PELI1: variants seen among roughly 807,000 people sequenced by gnomAD.
PELI1 encodes E3 ubiquitin-protein ligase pellino homolog 1.
A neutral mutation model predicts 41.3 loss-of-function variants in PELI1; 15 were observed. The ratio of observed to expected loss-of-function variants is 0.36; its 90% CI spans 0.24 to 0.56. The LOEUF (loss-of-function observed/expected upper bound fraction) is 0.56. Among genes scored for constraint, PELI1 ranks in the 20% least tolerant of loss-of-function variants. The probability of loss-of-function intolerance (pLI) is 0.82; values close to 1 mark genes in which losing one functional copy is unlikely to be tolerated. For synonymous variants in PELI1, 178 were observed against 180.1 expected, an observed-to-expected ratio of 0.99 and a Z score of 0.09; for missense variants, 403 against 525.5, an observed-to-expected ratio of 0.77 and a Z score of 2.28.
At chr2:64,121,325 C>A (rs141098629) in intron 1 of PELI1, among the ~76,000 whole-genome samples, 318 of 152,248 alleles carry the variant, frequency 2.1e-3, no homozygotes, top group African/African-American at 7.2e-3. Flanking sequence ...ATGTCTTATA[C>A]TTGATTCCAT....
chr2:64,143,510 G>C (rs1681986425), intron 1 of PELI1: 1 of 152,132 alleles, frequency 6.6e-6, no homozygotes, highest in African/African-American at 2.4e-5. Flanking sequence ...AGGGAAACGG[G>C]CGTATTAACT....
chr2:64,143,032 A>C (rs1477428670), intron 1 of PELI1, among the ~76,000 whole-genome samples: 1 of 152,228 alleles, frequency 6.6e-6, no homozygotes, highest in Admixed American at 6.5e-5. Flanking sequence ...TTTGATGACT[A>C]AACGACAGGA....
chr2:64,135,090 G>A (rs1178379439), intron 1 of PELI1, among the ~76,000 whole-genome samples: 1 of 152,088 alleles, frequency 6.6e-6, no homozygotes, highest in Non-Finnish European at 1.5e-5. Flanking sequence ...TATATGGTTA[G>A]TATTACAGTA....
rs1353625759 is a variant in PELI1, at chr2:64,108,530, T to C, written c.-69-151A>G. 2.6e-5 allele frequency among the ~76,000 whole-genome samples: 4 copies of C among 152,230 alleles called. No homozygotes were observed. The East Asian group carries it at 7.7e-4, about 29-fold the overall frequency. ...GGGACATTTTGCCCAATAATGATTA[T>C]ATATTTTACAAAACTGTTTAAAGGA... On this transcript the variant is annotated intron_variant, in intron 1 of 6. Transcript: ENST00000358912.
chr2:64,109,155 A>G (rs1161521605), intron 1 of PELI1, among the ~76,000 whole-genome samples: 1 of 152,152 alleles, frequency 6.6e-6, no homozygotes, highest in Non-Finnish European at 1.5e-5. Context: ...CCACCCAGCA[A>G]TAACAAGAAG....
chr2:64,125,451 C>T (rs112262194), intron 1 of PELI1, among the ~76,000 whole-genome samples: 3 of 152,234 alleles, frequency 2.0e-5, no homozygotes, highest in African/African-American at 7.2e-5. Flanking sequence ...TGTATTACAC[C>T]ACAGCAACAG....
chr2:64,097,453 C>A (rs966840445), intron 4 of PELI1, among the ~76,000 whole-genome samples: 6 of 152,098 alleles, frequency 3.9e-5, no homozygotes, highest in Non-Finnish European at 7.4e-5. Flanking sequence ...TTCAGAGAGA[C>A]AAGGTTCCCA....
intron 1 of PELI1, among the ~76,000 whole-genome samples, chr2:64,126,841 G>A (rs530704709): frequency 2.0e-5 from 3 of 151,930 alleles, no homozygotes; most frequent in Non-Finnish European, 4.4e-5. Context: ...AGAAACAATC[G>A]CATAAAGATA....
intron 1 of PELI1, among the ~76,000 whole-genome samples, chr2:64,125,166 G>A (rs973528869): frequency 6.6e-6 from 1 of 152,100 alleles, no homozygotes; most frequent in Non-Finnish European, 1.5e-5. Flanking sequence ...GCAACTTGAT[G>A]TGTTCACCAA....
At chr2:64,120,564 T>G (rs1558481890) in intron 1 of PELI1, among the ~76,000 whole-genome samples, 1 of 152,236 alleles carries the variant, frequency 6.6e-6, no homozygotes, top group Non-Finnish European at 1.5e-5. Flanking sequence ...AACCCTTTTG[T>G]AAAAAGTTAC....
intron 1 of PELI1, among the ~76,000 whole-genome samples, chr2:64,135,571 G>A (rs1055900298): frequency 2.6e-5 from 4 of 152,170 alleles, no homozygotes; most frequent in Admixed American, 2.0e-4. Flanking sequence ...AGCTGGCAAA[G>A]GATGATAAAG....
intron 1 of PELI1, among the ~76,000 whole-genome samples, chr2:64,109,871 C>T (rs536976838): frequency 2.0e-5 from 3 of 152,220 alleles, no homozygotes; most frequent in East Asian, 1.9e-4. Flanking sequence ...CTTATAGACC[C>T]GTGCGTGAGA....
chr2:64,097,558 AG>A (rs1680285874), intron 4 of PELI1, among the ~76,000 whole-genome samples: 1 of 152,238 alleles, frequency 6.6e-6, no homozygotes, highest in African/African-American at 2.4e-5. Context: ...GAAAGTTGAA[AG>A]AAAAAAGGAA....
intron 3 of PELI1, among the ~76,000 whole-genome samples, chr2:64,103,869 CTCTT>C (rs1465905514): frequency 6.6e-6 from 1 of 152,202 alleles, no homozygotes. Context: ...AGTCAAAGAA[CTCTT>C]TCTAATTTTT....
Position 64,100,439 on chromosome 2 carries a change from C to T in PELI1, c.262G>A (p.Val88Met). Residue 88 changes from valine to methionine, a missense_variant, in exon 4 of 7, where the codon GTG becomes ATG. Coordinates refer to ENST00000358912, the MANE Select transcript of PELI1 (RefSeq NM_020651.4). ...TTGCTGTCATGAGTATATTCAACCA[C>T]CACAGTCTGGGCCCGAGATAAAGTA... ...SYTLSRAQTV[V>M]VEYTHDSNTD... The T allele has an allele frequency of 6.3e-7, 1 of 1,580,484 alleles. No individual in the cohort carries two copies. Among genetic ancestry groups the T allele is most frequent in the Non-Finnish European group, 8.7e-7 (1 of 1,149,552 alleles).
chr2:64,120,989 T>C (rs1199861586), intron 1 of PELI1, among the ~76,000 whole-genome samples: 1 of 152,228 alleles, frequency 6.6e-6, no homozygotes, highest in Non-Finnish European at 1.5e-5. Flanking sequence ...AGTTTACTTC[T>C]GTTGCTTCCC....
intron 1 of PELI1, among the ~76,000 whole-genome samples, chr2:64,116,476 G>A (rs1680996428): frequency 6.6e-6 from 1 of 152,184 alleles, no homozygotes; most frequent in African/African-American, 2.4e-5. Flanking sequence ...ATATTCATGG[G>A]AAATCCTATC....
chr2:64,139,293 C>A (rs1048712134), intron 1 of PELI1, among the ~76,000 whole-genome samples: 27 of 152,016 alleles, frequency 1.8e-4, no homozygotes, highest in Admixed American at 1.3e-4. Context: ...GGTCATTTTT[C>A]TTTTATTTAT....
At chr2:64,139,746 T>G (rs1427599581) in intron 1 of PELI1, among the ~76,000 whole-genome samples, 2 of 152,170 alleles carry the variant, frequency 1.3e-5, no homozygotes, top group Non-Finnish European at 2.9e-5. Context: ...CTGAATGTAT[T>G]TGGCATCCAT....
Sources: allele counts gnomAD v4.1 joint callset (sites outside exome capture counted in the v4.1 genomes callset), GRCh38; gene constraint gnomAD v4.1.1; transcripts MANE v1.5; gene names NCBI Gene and HGNC (gene_info 2026-07-23, HGNC 2026-07-21).